The following MAP4K5 variants were observed in gnomAD, a reference collection of about 807,000 sequenced individuals.
MAP4K5 encodes mitogen-activated protein kinase kinase kinase kinase 5, also known as MAPK/ERK kinase kinase kinase 5.
A neutral mutation model predicts 135.6 loss-of-function variants in MAP4K5; 82 were observed. The observed-to-expected ratio is 0.60, with a 90% CI of 0.51 to 0.73. The LOEUF (loss-of-function observed/expected upper bound fraction) is 0.73. Among genes scored for constraint, MAP4K5 ranks in the 30% least tolerant of loss-of-function variants. The pLI is 0.00. For synonymous variants in MAP4K5, 347 were observed against 335.0 expected (o/e 1.04, Z -0.39); for missense variants, 907 against 1,010.9 (o/e 0.90, Z 1.39).
chr14:50,445,483 T>A (rs2036325527), intron 17 of MAP4K5, among the ~76,000 whole-genome samples: 1 of 152,164 alleles, frequency 6.6e-6, no homozygotes, highest in Admixed American at 6.6e-5. Context: ...CAAATTGTAG[T>A]CATAAGAATG....
chr14:50,494,369 T>C (rs535293140), intron 3 of MAP4K5, among the ~76,000 whole-genome samples: 2 of 152,074 alleles, frequency 1.3e-5, no homozygotes, highest in East Asian at 3.9e-4. Context: ...GGTTTCACCA[T>C]ATTGGCCAGG....
At chr14:50,427,062 A>G (rs1035261837) in intron 30 of MAP4K5, among the ~76,000 whole-genome samples, 2 of 152,170 alleles carry the variant, frequency 1.3e-5, no homozygotes, top group African/African-American at 4.8e-5. Context: ...CTAGTTACTG[A>G]TTTTATTTTT....
In MAP4K5 at chr14:50,440,792, ATCACG is replaced by A. The variant is rs2036209494; in HGVS notation, c.1565-356_1565-352del. On this transcript the variant is annotated intron_variant, in intron 21 of 32. Coordinates refer to ENST00000682126, the MANE Select transcript of MAP4K5 (RefSeq NM_006575.6). Reference sequence around the variant, plus strand: ...AACAAAAAGTTAATATAAATTATAAATCACGACACACTAGAAATAATGAGCACACC... The same window carrying A: ...AACAAAAAGTTAATATAAATTATAAAACACACTAGAAATAATGAGCACACC... Among the ~76,000 whole-genome samples the A allele has an allele frequency of 6.6e-5, 10 of 152,266 alleles. No individual in the cohort carries two copies. In the South Asian group the frequency reaches 2.1e-3, roughly 32 times the overall value.
intron 10 of MAP4K5, among the ~76,000 whole-genome samples, 189 bp from the exon 11 acceptor site, chr14:50,466,834 A>G (rs1450854301): frequency 1.3e-5 from 2 of 152,182 alleles, no homozygotes; most frequent in African/African-American, 4.8e-5. Flanking sequence ...GACTACAGAG[A>G]AGATTTTTAA....
chr14:50,448,907 G>A (rs767878161), intron 14 of MAP4K5, 75 bp from the exon 15 acceptor site: 3 of 549,754 alleles, frequency 5.5e-6, no homozygotes, highest in Non-Finnish European at 9.9e-6. Context: ...TGACAAGTTT[G>A]TATATGGGGT....
At chr14:50,461,410 A>C (rs1400818063) in intron 13 of MAP4K5, among the ~76,000 whole-genome samples, 1 of 152,158 alleles carries the variant, frequency 6.6e-6, no homozygotes, top group Non-Finnish European at 1.5e-5. Context: ...TAGAGATAAA[A>C]GGGAAATAAA....
intron 1 of MAP4K5, among the ~76,000 whole-genome samples, chr14:50,546,293 C>A (rs2038630732): frequency 1.3e-5 from 2 of 152,048 alleles, no homozygotes; most frequent in South Asian, 4.1e-4. Flanking sequence ...TGATATGGAT[C>A]CAGTTATCCT....
intron 1 of MAP4K5, among the ~76,000 whole-genome samples, chr14:50,548,982 G>A (rs115182926): frequency 1.2e-3 from 179 of 152,260 alleles, no homozygotes; most frequent in African/African-American, 4.1e-3. Context: ...AACCAAGCCC[G>A]TCTCTGGGGT....
intron 13 of MAP4K5, among the ~76,000 whole-genome samples, 193 bp downstream of exon 13, chr14:50,462,472 G>A (rs1206778037): frequency 6.6e-6 from 1 of 152,068 alleles, no homozygotes; most frequent in Non-Finnish European, 1.5e-5. Context: ...AGTATCAACT[G>A]GTTATACCAC....
chr14:50,426,389 A>G (rs1344777083), intron 30 of MAP4K5, among the ~76,000 whole-genome samples: 1 of 152,228 alleles, frequency 6.6e-6, no homozygotes, highest in Non-Finnish European at 1.5e-5. Flanking sequence ...TTAAACAAGC[A>G]TTTTTTATGT....
chr14:50,470,593 A>T (rs1364340234), intron 9 of MAP4K5, among the ~76,000 whole-genome samples: 1 of 152,016 alleles, frequency 6.6e-6, no homozygotes, highest in Admixed American at 6.6e-5. Context: ...ATGGAAGAAA[A>T]CAAGCTAAGC....
chr14:50,474,255 T>C (rs1291615866), intron 9 of MAP4K5, among the ~76,000 whole-genome samples: 1 of 152,022 alleles, frequency 6.6e-6, no homozygotes, highest in Non-Finnish European at 1.5e-5. Context: ...CTGGCTGTGA[T>C]GTTGCATGCC....
At chr14:50,495,001 T>C (rs1433717924) in intron 3 of MAP4K5, among the ~76,000 whole-genome samples, 2 of 152,144 alleles carry the variant, frequency 1.3e-5, no homozygotes, top group African/African-American at 2.4e-5. Flanking sequence ...AAGAAAAGCT[T>C]CATGACATCA....
Position 50,443,714 on chromosome 14 carries a change from A to G in MAP4K5, c.1479+15T>C. 6.3e-7 allele frequency: 1 copy of G among 1,577,582 alleles called. No individual in the cohort carries two copies. On this transcript the variant is annotated intron_variant, in intron 20 of 32. Transcript: ENST00000682126. Reference sequence around the variant, plus strand: ...AGAAAAAACGGCAAATAGTTCACATAAAAATATTCCTTACCAGAACTTTTG... The same window carrying G: ...AGAAAAAACGGCAAATAGTTCACATGAAAATATTCCTTACCAGAACTTTTG...
rs1236082883 is a variant in MAP4K5 at position 50,440,457 on chromosome 14, T to C, written c.1565-16A>G. ...ATGTACTGATCTAAAATAGTTGAGA[T>C]AAATCACCAGAATTTACCATCATCT... On this transcript the variant is annotated splice_polypyrimidine_tract_variant and intron_variant, in intron 21 of 32. Transcript: ENST00000682126. 2 of 1,329,720 alleles carry C rather than the reference T, an allele frequency of 1.5e-6. No homozygotes were observed. Among genetic ancestry groups the C allele is most frequent in the Non-Finnish European group, 2.1e-6 (2 of 948,442 alleles). The allele number at this position is 1,329,720 out of a possible 1,614,324, so 82.4% of individuals were successfully genotyped here.
At chr14:50,520,259 G>A (rs2038121158) in intron 2 of MAP4K5, among the ~76,000 whole-genome samples, 3 of 152,296 alleles carry the variant, frequency 2.0e-5, no homozygotes, top group Middle Eastern at 6.8e-3. Flanking sequence ...AGCACTTTAG[G>A]AGGCCAAGGT....
intron 1 of MAP4K5, chr14:50,560,236 C>T: frequency 6.2e-7 from 1 of 1,613,102 alleles, no homozygotes; most frequent in East Asian, 2.2e-5. Context: ...GCAGTGACAG[C>T]GCCTCACCGC....
At chr14:50,543,439 A>G (rs1412310019) in intron 1 of MAP4K5, among the ~76,000 whole-genome samples, 3 of 152,206 alleles carry the variant, frequency 2.0e-5, no homozygotes, top group African/African-American at 7.2e-5. Flanking sequence ...GAAAGCTTCT[A>G]TTAGTGCCAC....
At chr14:50,428,852 CTTAATAAAGT>C in intron 29 of MAP4K5, 98 bp from the exon 30 acceptor site, 1 of 691,920 alleles carries the variant, frequency 1.4e-6, no homozygotes, top group South Asian at 1.9e-5. Flanking sequence ...AAATAATATT[CTTAATAAAGT>C]TCAACTATTT....
Sources: allele counts gnomAD v4.1 joint callset (sites outside exome capture counted in the v4.1 genomes callset), GRCh38; gene constraint gnomAD v4.1.1; transcripts MANE v1.5; gene names NCBI Gene and HGNC (gene_info 2026-07-23, HGNC 2026-07-21).